DLGAP1: variants seen among roughly 807,000 people sequenced by gnomAD.
DLGAP1 encodes disks large-associated protein 1.
DLGAP1 carries 11 observed loss-of-function variants against 90.8 expected under a neutral mutation model. The ratio of observed to expected loss-of-function variants is 0.12; its 90% CI spans 0.08 to 0.20. DLGAP1 has a LOEUF of 0.20. DLGAP1 is among the 10% of genes least tolerant of loss of function. DLGAP1 has a pLI of 1.00. For synonymous variants in DLGAP1, 558 were observed against 540.7 expected (o/e 1.03, Z -0.44); for missense variants, 1,050 against 1,333.8 (o/e 0.79, Z 3.31).
chr18:3,842,113 G>C (rs576585822), intron 4 of DLGAP1, among the ~76,000 whole-genome samples: 1 of 151,884 alleles, frequency 6.6e-6, no homozygotes, highest in African/African-American at 2.4e-5. Flanking sequence ...AGTTTGGCAG[G>C]GGTGGGGGGT....
At chr18:3,901,927 A>G (rs1274263727) in intron 3 of DLGAP1, among the ~76,000 whole-genome samples, 3 of 152,124 alleles carry the variant, frequency 2.0e-5, no homozygotes, top group Non-Finnish European at 4.4e-5. Context: ...TGGTACTCTG[A>G]GATTTTTCTT....
At chr18:3,611,878 G>A (rs765474827) in intron 7 of DLGAP1, among the ~76,000 whole-genome samples, 37 of 152,256 alleles carry the variant, frequency 2.4e-4, no homozygotes, top group Non-Finnish European at 4.3e-4. Flanking sequence ...CTGTTGCTAA[G>A]TTCAAGTACT....
rs7229471 is a variant in DLGAP1, at chr18:4,084,976, T to C, written c.-159+66204A>G. Reference sequence around the variant, plus strand: ...AGCAGGCATCGTCCAGGATGGTTAATGGGGAAGACATCACACACTCAAAAC... The same window carrying C: ...AGCAGGCATCGTCCAGGATGGTTAACGGGGAAGACATCACACACTCAAAAC... On this transcript the variant is annotated intron_variant, in intron 2 of 12. Coordinates refer to ENST00000315677, the MANE Select transcript of DLGAP1 (RefSeq NM_004746.4). This position sits in a 1 kb window ranked among gnomAD's most constrained non-coding sequence, Gnocchi z 4.0. 0.6 allele frequency among the ~76,000 whole-genome samples: 90,350 copies of C among 151,802 alleles called. 27,596 individuals are homozygous for C. The highest frequency in any genetic ancestry group is 0.64 in the Non-Finnish European group (43,620 of 67,912).
chr18:4,421,115 C>T (rs2083019095), intron 1 of DLGAP1, among the ~76,000 whole-genome samples: 1 of 152,274 alleles, frequency 6.6e-6, no homozygotes, highest in Non-Finnish European at 1.5e-5. Flanking sequence ...GAAAGTTATA[C>T]TCTCCCTCTT....
At chr18:3,745,690 AT>A (rs1446077853) in intron 5 of DLGAP1, among the ~76,000 whole-genome samples, 3 of 152,032 alleles carry the variant, frequency 2.0e-5, no homozygotes. Context: ...TTTATTTTTT[AT>A]TTTTATTTAT....
In DLGAP1 at chr18:4,219,087, A is replaced by G. The variant is rs1016240580; in HGVS notation, c.-266-67800T>C. ...CAAATTGTTTTCCATAATGGCTATAATAATTTAAATTCCCATCAACAGTTC... is the reference window on the plus strand; with the variant it reads ...CAAATTGTTTTCCATAATGGCTATAGTAATTTAAATTCCCATCAACAGTTC... On this transcript the variant is annotated intron_variant, in intron 1 of 12. Coordinates refer to ENST00000315677, the MANE Select transcript of DLGAP1 (RefSeq NM_004746.4). Among the ~76,000 whole-genome samples the G allele has an allele frequency of 1.0e-4, 15 of 145,020 alleles. No individual in the cohort carries two copies. In the South Asian group the frequency reaches 3.2e-3, roughly 31 times the overall value.
intron 2 of DLGAP1, among the ~76,000 whole-genome samples, chr18:4,118,781 C>T (rs2076104748): frequency 6.6e-6 from 1 of 151,988 alleles, no homozygotes; most frequent in Admixed American, 6.5e-5. Flanking sequence ...GCCACAGACC[C>T]CTGTCTTAAT....
At chr18:4,334,087 A>C (rs2081014539) in intron 1 of DLGAP1, among the ~76,000 whole-genome samples, 1 of 151,158 alleles carries the variant, frequency 6.6e-6, no homozygotes, top group Non-Finnish European at 1.5e-5. Context: ...AAAAACACAA[A>C]ATTAGCTGGG....
intron 4 of DLGAP1, among the ~76,000 whole-genome samples, chr18:3,860,937 A>C (rs1180437777): frequency 1.3e-5 from 2 of 152,192 alleles, no homozygotes; most frequent in Non-Finnish European, 2.9e-5. Flanking sequence ...ATCCTTCCTT[A>C]CTTACAATCC....
chr18:4,192,606 T>C (rs181980288), intron 1 of DLGAP1, among the ~76,000 whole-genome samples: 117 of 152,322 alleles, frequency 7.7e-4, no homozygotes, highest in Admixed American at 6.6e-3. Context: ...CCTATTTCTA[T>C]GACAGTATAA....
At chr18:3,556,972 A>AT (rs1461587481) in intron 9 of DLGAP1, among the ~76,000 whole-genome samples, 3 of 151,542 alleles carry the variant, frequency 2.0e-5, no homozygotes, top group African/African-American at 7.3e-5. Flanking sequence ...CATTTTATTA[A>AT]TTTTTTCAGA....
At chr18:4,096,391 T>C (rs1358338498) in intron 2 of DLGAP1, among the ~76,000 whole-genome samples, 3 of 152,212 alleles carry the variant, frequency 2.0e-5, no homozygotes, top group Non-Finnish European at 4.4e-5. Context: ...TTCTCTCACA[T>C]AGGCTTTGTC....
intron 1 of DLGAP1, among the ~76,000 whole-genome samples, chr18:4,371,239 ATAAATAC>A (rs1488227056): frequency 6.6e-6 from 1 of 152,262 alleles, no homozygotes; most frequent in African/African-American, 2.4e-5. Context: ...ATATAAATAA[ATAAATAC>A]ATGATTACAA....
intron 1 of DLGAP1, among the ~76,000 whole-genome samples, chr18:4,429,261 G>A (rs564790519): frequency 1.4e-4 from 21 of 152,024 alleles, no homozygotes; most frequent in African/African-American, 4.6e-4. Flanking sequence ...TAATTAATTC[G>A]ACATTATCAT....
intron 2 of DLGAP1, among the ~76,000 whole-genome samples, chr18:4,111,086 C>T (rs1188116655): frequency 6.6e-6 from 1 of 152,094 alleles, no homozygotes; most frequent in Non-Finnish European, 1.5e-5. Flanking sequence ...GAGGAAGCTG[C>T]CTTCCATTCC....
At chr18:3,810,742 T>G (rs2066791045) in intron 5 of DLGAP1, among the ~76,000 whole-genome samples, 1 of 152,024 alleles carries the variant, frequency 6.6e-6, no homozygotes, top group African/African-American at 2.4e-5. Context: ...ATGTCTGAAT[T>G]TTTGCCTCTA....
chr18:3,990,496 G>T (rs944542689), intron 3 of DLGAP1, among the ~76,000 whole-genome samples: 2 of 144,046 alleles, frequency 1.4e-5, no homozygotes, highest in Non-Finnish European at 1.5e-5. Flanking sequence ...GGGTGGGGGA[G>T]GGGGGAGGGA....
intron 4 of DLGAP1, among the ~76,000 whole-genome samples, chr18:3,873,357 A>C (rs2148809609): frequency 6.6e-6 from 1 of 152,270 alleles, no homozygotes; most frequent in East Asian, 1.9e-4. Flanking sequence ...GATTGTGCAA[A>C]CCCAATAGGA....
intron 2 of DLGAP1, among the ~76,000 whole-genome samples, chr18:4,138,000 T>A (rs1200114527): frequency 6.6e-6 from 1 of 152,086 alleles, no homozygotes; most frequent in African/African-American, 2.4e-5. Context: ...GTTGTAATAG[T>A]TTTTTGGAGG....
Sources: allele counts gnomAD v4.1 joint callset (sites outside exome capture counted in the v4.1 genomes callset), GRCh38; gene constraint gnomAD v4.1.1; non-coding constraint Gnocchi (gnomAD v3.1); transcripts MANE v1.5; gene names NCBI Gene and HGNC (gene_info 2026-07-23, HGNC 2026-07-21).